The following DLGAP2 variants were observed in gnomAD, a reference collection of about 807,000 sequenced individuals.
The protein encoded by DLGAP2 is DLG associated protein 2, also known as disks large-associated protein 2.
DLGAP2 carries 26 observed loss-of-function variants against 100.3 expected under a neutral mutation model. That is an observed-to-expected ratio of 0.26 (90% CI 0.19 to 0.36). DLGAP2 has a LOEUF of 0.36. Ranked by LOEUF, DLGAP2 falls within the 10% of genes least tolerant of loss-of-function variation. The pLI is 1.00. For missense variants in DLGAP2, 1,858 were observed against 1,453.2 expected (o/e 1.28, Z -4.53); for synonymous variants, 886 against 630.1 (o/e 1.41, Z -6.08).
At chr8:1,319,698 G>A (rs974164760) in intron 3 of DLGAP2, among the ~76,000 whole-genome samples, 35 of 152,314 alleles carry the variant, frequency 2.3e-4, no homozygotes, top group Non-Finnish European at 2.9e-4. Flanking sequence ...AGGAGTGCAC[G>A]TTGGAAAAGA....
At chr8:1,178,987 G>C (rs1485966297) in intron 2 of DLGAP2, among the ~76,000 whole-genome samples, 1 of 152,082 alleles carries the variant, frequency 6.6e-6, no homozygotes, top group African/African-American at 2.4e-5. Flanking sequence ...CCAGCTTTAG[G>C]TCCCTACAGA....
At chr8:1,303,671 C>T (rs949523194) in intron 3 of DLGAP2, among the ~76,000 whole-genome samples, 8 of 152,122 alleles carry the variant, frequency 5.3e-5, no homozygotes, top group African/African-American at 2.4e-5. Context: ...CTCAGGAGCC[C>T]GCAGGAAGCC....
intron 3 of DLGAP2, among the ~76,000 whole-genome samples, chr8:1,389,947 A>T (rs1796310593): frequency 6.6e-6 from 1 of 152,118 alleles, no homozygotes. Context: ...GCTCCGGCAC[A>T]GACAGCTCTC....
chr8:798,502 C>A (rs1454721609), intron 1 of DLGAP2, among the ~76,000 whole-genome samples: 1 of 141,786 alleles, frequency 7.1e-6, no homozygotes, highest in Non-Finnish European at 1.5e-5. Flanking sequence ...GCACTGAAAG[C>A]AAACGCTTGT....
intron 6 of DLGAP2, among the ~76,000 whole-genome samples, chr8:1,614,030 C>T (rs931185986): frequency 1.3e-5 from 2 of 152,258 alleles, no homozygotes; most frequent in Non-Finnish European, 2.9e-5. Context: ...GGGTTTTCAG[C>T]GAAAATGGGC....
intron 3 of DLGAP2, among the ~76,000 whole-genome samples, chr8:1,315,199 G>A (rs1353143637): frequency 6.6e-6 from 1 of 152,236 alleles, no homozygotes; most frequent in Non-Finnish European, 1.5e-5. Flanking sequence ...AAGAAACTCG[G>A]CAGCTTTTAA....
chr8:998,067 A>G (rs1800836117), intron 2 of DLGAP2, among the ~76,000 whole-genome samples: 1 of 152,166 alleles, frequency 6.6e-6, no homozygotes, highest in African/African-American at 2.4e-5. Flanking sequence ...AAACATATAC[A>G]CATGCATGTG....
At chr8:1,405,376 G>A (rs1169295965) in intron 3 of DLGAP2, among the ~76,000 whole-genome samples, 1 of 19,582 alleles carries the variant, frequency 5.1e-5, no homozygotes. Context: ...CTTACTGAGC[G>A]CCCCCTCCTC....
chr8:1,153,241 G>A lies in DLGAP2; in HGVS notation c.74-105610G>A, dbSNP rs145990710. Among the ~76,000 whole-genome samples, 10 of 152,216 alleles carry A rather than the reference G, an allele frequency of 6.6e-5. No homozygotes were observed. The East Asian group carries it at 1.4e-3, about 21-fold the overall frequency. Reference sequence around the variant, plus strand: ...GTCTGGCCAGAGAATCATCAGTCTCGATCTGAACATGCCCAGATAATTGGG... The same window carrying A: ...GTCTGGCCAGAGAATCATCAGTCTCAATCTGAACATGCCCAGATAATTGGG... On this transcript the variant is annotated intron_variant, in intron 2 of 14. Coordinates refer to ENST00000637795, the MANE Select transcript of DLGAP2 (RefSeq NM_001346810.2).
At chr8:1,376,856 G>A (rs781043731) in intron 3 of DLGAP2, among the ~76,000 whole-genome samples, 8 of 152,202 alleles carry the variant, frequency 5.3e-5, no homozygotes, top group Non-Finnish European at 1.0e-4. Flanking sequence ...CCGTGAAAGC[G>A]AAATGTGCAC....
intron 3 of DLGAP2, among the ~76,000 whole-genome samples, chr8:1,464,232 G>A: frequency 6.6e-6 from 1 of 152,086 alleles, no homozygotes; most frequent in Non-Finnish European, 1.5e-5. Context: ...CTCCCTTCCA[G>A]GACGACACCC....
rs1250275365 is a variant in DLGAP2 at position 1,271,401 on chromosome 8, C to G, written c.106+12518C>G. Among the ~76,000 whole-genome samples the G allele has an allele frequency of 2.0e-5, 3 of 152,150 alleles. No homozygotes were observed. In the East Asian group the frequency reaches 5.8e-4, roughly 29 times the overall value. On this transcript the variant is annotated intron_variant, in intron 3 of 14. Coordinates refer to ENST00000637795, the MANE Select transcript of DLGAP2 (RefSeq NM_001346810.2). ...TGGGGACATAGTGACTTCTGTTTTACTTTTATTCTGGAGACTTGACTTTAT... is the reference window on the plus strand; with the variant it reads ...TGGGGACATAGTGACTTCTGTTTTAGTTTTATTCTGGAGACTTGACTTTAT...
At chr8:1,608,009 CG>C (rs1796867236) in intron 6 of DLGAP2, among the ~76,000 whole-genome samples, 5 of 111,072 alleles carry the variant, frequency 4.5e-5, no homozygotes, top group African/African-American at 1.4e-4. Flanking sequence ...ACAAAGCAGC[CG>C]GGAAGCTCGA....
intron 2 of DLGAP2, among the ~76,000 whole-genome samples, chr8:966,671 C>G (rs757365424): frequency 1.3e-5 from 2 of 151,922 alleles, no homozygotes; most frequent in African/African-American, 2.4e-5. Flanking sequence ...ATCTTTTATC[C>G]TCTTTCACGG....
intron 2 of DLGAP2, among the ~76,000 whole-genome samples, chr8:1,173,825 T>G (rs1797187381): frequency 6.6e-6 from 1 of 152,238 alleles, no homozygotes; most frequent in African/African-American, 2.4e-5. Context: ...TCTGACCCAT[T>G]GCGCTTCCTG....
At chr8:973,190 C>T (rs1391651186) in intron 2 of DLGAP2, among the ~76,000 whole-genome samples, 3 of 151,668 alleles carry the variant, frequency 2.0e-5, no homozygotes, top group South Asian at 4.2e-4. Context: ...CCAGAAGGGG[C>T]GGCCGGGCAG....
chr8:750,803 C>G (rs1394403698), intron 1 of DLGAP2, among the ~76,000 whole-genome samples: 1 of 152,186 alleles, frequency 6.6e-6, no homozygotes, highest in African/African-American at 2.4e-5. Flanking sequence ...TGTAGATTCC[C>G]TATTTCAAAA....
At chr8:1,416,190 G>A (rs1168689417) in intron 3 of DLGAP2, among the ~76,000 whole-genome samples, 1 of 152,192 alleles carries the variant, frequency 6.6e-6, no homozygotes, top group Non-Finnish European at 1.5e-5. Context: ...CCCAGACGAT[G>A]CCTGGTTACC....
At chr8:1,333,998 C>T (rs1192392846) in intron 3 of DLGAP2, among the ~76,000 whole-genome samples, 8 of 152,234 alleles carry the variant, frequency 5.3e-5, no homozygotes, top group Admixed American at 4.6e-4. Context: ...ACTGAGGGCA[C>T]CATGCCGGGG....
Sources: allele counts gnomAD v4.1 joint callset (sites outside exome capture counted in the v4.1 genomes callset), GRCh38; gene constraint gnomAD v4.1.1; transcripts MANE v1.5; gene names NCBI Gene and HGNC (gene_info 2026-07-23, HGNC 2026-07-21).